CACNA2D3: variants seen among roughly 807,000 people sequenced by gnomAD.
CACNA2D3 encodes voltage-dependent calcium channel subunit alpha-2/delta-3.
Under a neutral mutation model 160.6 loss-of-function variants are expected in CACNA2D3, and 60 were observed. That is an observed-to-expected ratio of 0.37 (90% CI 0.30 to 0.46). The LOEUF is 0.46. Ranked by LOEUF, CACNA2D3 falls within the 20% of genes least tolerant of loss-of-function variation. The pLI is 1.00. For missense variants in CACNA2D3, 1,205 were observed against 1,365.0 expected (o/e 0.88, Z 1.85); for synonymous variants, 558 against 492.9 (o/e 1.13, Z -1.75).
chr3:54,362,015 A>T (rs1178420170), intron 3 of CACNA2D3, among the ~76,000 whole-genome samples: 2 of 152,222 alleles, frequency 1.3e-5, no homozygotes, highest in Non-Finnish European at 1.5e-5. Flanking sequence ...AGATTATGAT[A>T]TGCTCAGCAT....
chr3:55,057,265 T>C (rs1161715778), intron 35 of CACNA2D3, among the ~76,000 whole-genome samples: 3 of 152,242 alleles, frequency 2.0e-5, no homozygotes, highest in African/African-American at 7.2e-5. Flanking sequence ...CTCAGGTATG[T>C]CTTTATTAGC....
At chr3:54,448,060 G>A (rs1467600054) in intron 4 of CACNA2D3, among the ~76,000 whole-genome samples, 1 of 152,130 alleles carries the variant, frequency 6.6e-6, no homozygotes, top group Non-Finnish European at 1.5e-5. Context: ...GAATCCAGGG[G>A]CTCAGACGAC....
chr3:54,149,344 C>T (rs1292085818), intron 2 of CACNA2D3, among the ~76,000 whole-genome samples: 17 of 151,890 alleles, frequency 1.1e-4, no homozygotes, highest in Admixed American at 1.1e-3. Flanking sequence ...CTACCTCCAC[C>T]AGCCACCTCT....
intron 3 of CACNA2D3, among the ~76,000 whole-genome samples, chr3:54,352,015 C>CT (rs1204840760): frequency 6.6e-6 from 1 of 152,176 alleles, no homozygotes; most frequent in Admixed American, 6.5e-5. Context: ...GCTATTGGTG[C>CT]TTTGTTTTTG....
intron 11 of CACNA2D3, among the ~76,000 whole-genome samples, chr3:54,717,817 C>T (rs1210630729): frequency 8.6e-5 from 9 of 105,112 alleles, no homozygotes; most frequent in African/African-American, 3.4e-4. Flanking sequence ...CGCATGTTTG[C>T]GTGTGTGTGG....
chr3:54,549,052 C>T (rs752058686), intron 5 of CACNA2D3, among the ~76,000 whole-genome samples: 1 of 152,202 alleles, frequency 6.6e-6, no homozygotes, highest in Non-Finnish European at 1.5e-5. Flanking sequence ...GGCTCCCCAT[C>T]CAGACCTCTC....
chr3:54,466,768 C>G (rs1014513784), intron 4 of CACNA2D3, among the ~76,000 whole-genome samples: 10 of 152,182 alleles, frequency 6.6e-5, no homozygotes, highest in African/African-American at 1.7e-4. Context: ...TTGCCTAACA[C>G]TGTATAATTA....
chr3:54,617,028 C>T (rs962232860), intron 9 of CACNA2D3, among the ~76,000 whole-genome samples: 2 of 152,136 alleles, frequency 1.3e-5, no homozygotes, highest in African/African-American at 2.4e-5. Context: ...ACTCTTTTAT[C>T]TAACTTTTAA....
chr3:54,644,067 A>G (rs952801102), intron 11 of CACNA2D3, among the ~76,000 whole-genome samples: 6 of 152,180 alleles, frequency 3.9e-5, no homozygotes, highest in Non-Finnish European at 7.3e-5. Flanking sequence ...GTGACATTCA[A>G]TGAATAGCAT....
At chr3:54,633,105 C>T (rs1699282074) in intron 10 of CACNA2D3, among the ~76,000 whole-genome samples, 1 of 152,190 alleles carries the variant, frequency 6.6e-6, no homozygotes, top group Non-Finnish European at 1.5e-5. Flanking sequence ...CTCAGGATCA[C>T]AGCCCTGGTG....
chr3:54,351,749 G>T (rs991925191), intron 3 of CACNA2D3, among the ~76,000 whole-genome samples: 2 of 152,188 alleles, frequency 1.3e-5, no homozygotes, highest in Non-Finnish European at 2.9e-5. Flanking sequence ...GCAGGGCTGT[G>T]CCCTGTTGTC....
intron 27 of CACNA2D3, among the ~76,000 whole-genome samples, chr3:54,906,465 G>T (rs547453809): frequency 1.3e-5 from 2 of 152,120 alleles, no homozygotes; most frequent in African/African-American, 4.8e-5. Context: ...ATCATGAGAC[G>T]CAGTCTGCAG....
intron 11 of CACNA2D3, among the ~76,000 whole-genome samples, chr3:54,745,788 A>G (rs1360796044): frequency 6.6e-6 from 1 of 152,324 alleles, no homozygotes; most frequent in East Asian, 1.9e-4. Context: ...CCAGAAGATT[A>G]CAAAGAATAA....
At chr3:54,380,204 C>T (rs1039105291) in intron 3 of CACNA2D3, among the ~76,000 whole-genome samples, 1 of 152,140 alleles carries the variant, frequency 6.6e-6, no homozygotes, top group East Asian at 1.9e-4. Flanking sequence ...TGCCTGGGTT[C>T]CTGGAAACAT....
intron 9 of CACNA2D3, among the ~76,000 whole-genome samples, chr3:54,597,823 A>G (rs1197630011): frequency 1.3e-5 from 2 of 152,156 alleles, no homozygotes; most frequent in South Asian, 4.1e-4. Flanking sequence ...CTTTGGGGTG[A>G]ATTTAAATTC....
chr3:54,934,222 T>G (rs1173403257), intron 27 of CACNA2D3, among the ~76,000 whole-genome samples: 1 of 152,224 alleles, frequency 6.6e-6, no homozygotes, highest in East Asian at 1.9e-4. Flanking sequence ...GTTGTATTCA[T>G]TTTATGCCCT....
chr3:54,637,567 G>T (rs539250779), intron 10 of CACNA2D3: 1 of 152,088 alleles, frequency 6.6e-6, no homozygotes, highest in African/African-American at 2.4e-5. Flanking sequence ...TAGAAGCCTG[G>T]CTGTCAATAC....
chr3:54,638,871 T>C (rs1447421612), intron 10 of CACNA2D3: 1 of 152,050 alleles, frequency 6.6e-6, no homozygotes, highest in East Asian at 1.9e-4. Context: ...GCTTAGATTT[T>C]AGGTCAGGTG....
intron 12 of CACNA2D3, among the ~76,000 whole-genome samples, chr3:54,755,017 C>T (rs1701945414): frequency 6.6e-6 from 1 of 152,188 alleles, no homozygotes; most frequent in Non-Finnish European, 1.5e-5. Context: ...CATTCTTCTT[C>T]CTTGTAGATA....
Sources: gnomAD v4.1 joint callset for allele counts (sites outside exome capture counted in the v4.1 genomes callset) on GRCh38, gnomAD v4.1.1 for gene constraint, MANE v1.5 for transcripts, NCBI Gene and HGNC (gene_info 2026-07-23, HGNC 2026-07-21) for gene names.